GPC6: variants seen among roughly 807,000 people sequenced by gnomAD.
GPC6 encodes glypican-6.
GPC6 carries 14 observed loss-of-function variants against 55.2 expected under a neutral mutation model. The observed-to-expected ratio is 0.25, with a 90% CI of 0.17 to 0.40. GPC6 has a LOEUF of 0.40. GPC6 is among the 10% of genes least tolerant of loss of function. The probability of loss-of-function intolerance (pLI) is 1.00; values close to 1 mark genes in which losing one functional copy is unlikely to be tolerated. For synonymous variants in GPC6, 278 were observed against 259.6 expected (o/e 1.07, Z -0.68); for missense variants, 641 against 708.5 (o/e 0.90, Z 1.08).
At chr13:93,897,071 A>G (rs1876058762) in intron 3 of GPC6, among the ~76,000 whole-genome samples, 2 of 150,762 alleles carry the variant, frequency 1.3e-5, no homozygotes, top group African/African-American at 4.9e-5. Context: ...CAGCCAAATT[A>G]TGTTTTTTTA....
chr13:93,803,128 T>C (rs929445052), intron 2 of GPC6, among the ~76,000 whole-genome samples: 1 of 152,160 alleles, frequency 6.6e-6, no homozygotes, highest in Non-Finnish European at 1.5e-5. Context: ...TGTTTTATAA[T>C]CTTTAAGCCA....
chr13:94,166,483 T>G (rs968828670), intron 4 of GPC6, among the ~76,000 whole-genome samples: 8 of 152,136 alleles, frequency 5.3e-5, no homozygotes, highest in African/African-American at 1.9e-4. Flanking sequence ...GCCTCATCCT[T>G]TTTCATTTTT....
At chr13:93,925,106 T>C (rs577708560) in intron 3 of GPC6, among the ~76,000 whole-genome samples, 5 of 152,316 alleles carry the variant, frequency 3.3e-5, no homozygotes, top group Admixed American at 3.3e-4. Flanking sequence ...CTACTTTGTC[T>C]CATTTTAACC....
intron 3 of GPC6, among the ~76,000 whole-genome samples, chr13:93,911,492 A>G (rs891111676): frequency 6.6e-6 from 1 of 152,128 alleles, no homozygotes; most frequent in African/African-American, 2.4e-5. Flanking sequence ...TCATAATTAC[A>G]AGGATGTGAG....
chr13:94,136,920 A>G (rs985786662), intron 4 of GPC6, among the ~76,000 whole-genome samples: 2 of 152,292 alleles, frequency 1.3e-5, no homozygotes, highest in East Asian at 3.9e-4. Context: ...TAGTGGCCAT[A>G]GTGGGCGAGT....
At chr13:94,068,608 C>CCTGTAAAATCAA (rs1884620731) in intron 4 of GPC6, among the ~76,000 whole-genome samples, 1 of 152,162 alleles carries the variant, frequency 6.6e-6, no homozygotes, top group Admixed American at 6.5e-5. Context: ...AAATCAAAAG[C>CCTGTAAAATCAA]AAGTTAGTTA....
At chr13:93,593,382 C>T (rs1366545922) in intron 2 of GPC6, among the ~76,000 whole-genome samples, 4 of 152,076 alleles carry the variant, frequency 2.6e-5, no homozygotes, top group East Asian at 1.9e-4. Context: ...TGACCTTCTG[C>T]GTAATATTGG....
chr13:94,292,509 C>A (rs141553450), intron 5 of GPC6, among the ~76,000 whole-genome samples: 1 of 152,098 alleles, frequency 6.6e-6, no homozygotes, highest in Non-Finnish European at 1.5e-5. Flanking sequence ...TTCTCTTATC[C>A]AGCCCTGTCA....
chr13:93,558,576 G>A (rs1474690759), intron 2 of GPC6, among the ~76,000 whole-genome samples: 1 of 152,166 alleles, frequency 6.6e-6, no homozygotes, highest in Non-Finnish European at 1.5e-5. Flanking sequence ...TTGTTTCCAT[G>A]ATGAAACAAA....
chr13:94,011,021 A>G (rs1210260374), intron 3 of GPC6, among the ~76,000 whole-genome samples: 3 of 152,164 alleles, frequency 2.0e-5, no homozygotes, highest in African/African-American at 4.8e-5. Flanking sequence ...CAAATAAGTC[A>G]TCAATCACAT....
intron 6 of GPC6, among the ~76,000 whole-genome samples, chr13:94,328,309 C>A (rs545183694): frequency 1.3e-5 from 2 of 152,334 alleles, no homozygotes; most frequent in African/African-American, 4.8e-5. Flanking sequence ...CTACCTTTTC[C>A]ATCTTTCCAT....
intron 1 of GPC6, among the ~76,000 whole-genome samples, chr13:93,438,944 C>T (rs1326263339): frequency 6.6e-6 from 1 of 152,132 alleles, no homozygotes; most frequent in African/African-American, 2.4e-5. Flanking sequence ...GCAACCACTT[C>T]CCTGATCCAT....
At chr13:94,401,090 T>C (rs1881111029) in intron 8 of GPC6, among the ~76,000 whole-genome samples, 1 of 152,118 alleles carries the variant, frequency 6.6e-6, no homozygotes, top group African/African-American at 2.4e-5. Context: ...CTCTCCAAGG[T>C]CAATATTGTC....
At chr13:93,774,679 T>C (rs1280010858) in intron 2 of GPC6, among the ~76,000 whole-genome samples, 1 of 152,158 alleles carries the variant, frequency 6.6e-6, no homozygotes, top group Non-Finnish European at 1.5e-5. Flanking sequence ...ATAATCTTAT[T>C]TGGAGCTGGT....
chr13:94,403,160 C>T lies in GPC6; in HGVS notation c.1611C>T (p.Ser537=). The T allele has an allele frequency of 6.2e-7, 1 of 1,614,034 alleles. No homozygotes were observed. Among genetic ancestry groups the T allele is most frequent in the Admixed American group, 1.7e-5 (1 of 60,022 alleles). ...VDSSAAQRGH[S]LLSWSLTCIV... The stretch of plus-strand genomic sequence containing the variant: ...CTTCTGCAGCCCAGCGTGGCCACTC[C>T]CTGCTCTCCTGGTCTCTCACCTGCA... Residue 537 remains serine, a synonymous_variant, in exon 9 of 9, where the codon TCC becomes TCT. Coordinates refer to ENST00000377047, the MANE Select transcript of GPC6 (RefSeq NM_005708.5).
chr13:94,374,487 GAT>G (rs1362476914), intron 6 of GPC6, among the ~76,000 whole-genome samples: 2 of 142,522 alleles, frequency 1.4e-5, no homozygotes, highest in East Asian at 4.2e-4. Flanking sequence ...ATGGTAAAGG[GAT>G]CAATTCAACA....
chr13:94,134,110 T>C (rs1411429441), intron 4 of GPC6, among the ~76,000 whole-genome samples: 1 of 152,224 alleles, frequency 6.6e-6, no homozygotes, highest in African/African-American at 2.4e-5. Flanking sequence ...GAAACTAATC[T>C]GTGATTTCTT....
chr13:93,902,964 G>A (rs1156334399), intron 3 of GPC6, among the ~76,000 whole-genome samples: 1 of 152,116 alleles, frequency 6.6e-6, no homozygotes, highest in East Asian at 1.9e-4. Flanking sequence ...AAAGTGCCAA[G>A]AACATACAAT....
At chr13:93,696,754 C>G (rs139550674) in intron 2 of GPC6, among the ~76,000 whole-genome samples, 2,220 of 151,890 alleles carry the variant, frequency 0.015, 32 homozygotes, top group Non-Finnish European at 0.024. Flanking sequence ...TCCCTAGAAG[C>G]TGGAATTACA....
Sources: gnomAD v4.1 joint callset for allele counts (sites outside exome capture counted in the v4.1 genomes callset) on GRCh38, gnomAD v4.1.1 for gene constraint, MANE v1.5 for transcripts, NCBI Gene and HGNC (gene_info 2026-07-23, HGNC 2026-07-21) for gene names.